Variants in IKBKB observed in about 807,000 individuals in gnomAD.
The protein encoded by IKBKB is inhibitor of nuclear factor kappa B kinase subunit beta.
IKBKB carries 42 observed loss-of-function variants against 113.6 expected under a neutral mutation model. The ratio of observed to expected loss-of-function variants is 0.37; its 90% CI spans 0.29 to 0.48. The LOEUF is 0.48. Among genes scored for constraint, IKBKB ranks in the 20% least tolerant of loss-of-function variants. The pLI, the probability that IKBKB is intolerant of heterozygous loss-of-function variation, is 0.99. For synonymous variants in IKBKB, 296 were observed against 361.3 expected, an observed-to-expected ratio of 0.82 and a Z score of 2.05; for missense variants, 673 against 939.7, an observed-to-expected ratio of 0.72 and a Z score of 3.71.
In IKBKB at chr8:42,272,072, A is replaced by T; in HGVS notation, c.-18-11A>T. On this transcript the variant is annotated splice_polypyrimidine_tract_variant and intron_variant, in intron 1 of 21. Transcript: ENST00000520810. The stretch of plus-strand genomic sequence containing the variant: ...TCCTAACCTTTTTTCCCCATCCCAA[A>T]TTGCTTATAGAGTTAGCACGACATC... 1.2e-6 allele frequency: 2 copies of T among 1,602,098 alleles called. No individual in the cohort carries two copies. The highest frequency in any genetic ancestry group is 1.7e-6 in the Non-Finnish European group (2 of 1,173,106).
Position 42,321,081 on chromosome 8 carries a change from A to T in IKBKB, c.1688+237A>T, listed in dbSNP as rs1819695658. On this transcript the variant is annotated intron_variant, in intron 16 of 21. Transcript: ENST00000520810. ...AGGATGAATTCAGATAATGCATTTG[A>T]GACGCAGGCCATAATCTGTAAAGGC... is the stretch of plus-strand genomic sequence containing the variant. The T allele has an allele frequency of 7.2e-6, 3 of 419,280 alleles. No individual in the cohort carries two copies. In the Admixed American group the frequency reaches 1.2e-4, roughly 17 times the overall value. 26.0% of individuals were successfully genotyped at this position (419,280 alleles called of 1,614,324 possible). A position where few individuals can be genotyped will look rare whatever the true frequency, so the allele number is the denominator to read the frequency against.
chr8:42,283,172 G>T (rs1015645648), intron 2 of IKBKB, among the ~76,000 whole-genome samples: 1 of 152,146 alleles, frequency 6.6e-6, no homozygotes, highest in African/African-American at 2.4e-5. Flanking sequence ...TTTGTGTTGG[G>T]CAAAAGACTG....
intron 5 of IKBKB, among the ~76,000 whole-genome samples, chr8:42,299,145 C>T (rs1814582968): frequency 6.6e-6 from 1 of 152,128 alleles, no homozygotes; most frequent in Non-Finnish European, 1.5e-5. Flanking sequence ...TCCCTCCTGC[C>T]ATCCCCTTTC....
chr8:42,288,305 T>A (rs1258334662), intron 2 of IKBKB, among the ~76,000 whole-genome samples: 1 of 151,700 alleles, frequency 6.6e-6, no homozygotes, highest in Non-Finnish European at 1.5e-5. Context: ...AAGAATCACT[T>A]GAACACGGGA....
At chr8:42,292,484 GTGT>G (rs1311583029) in intron 4 of IKBKB, among the ~76,000 whole-genome samples, 2 of 152,218 alleles carry the variant, frequency 1.3e-5, no homozygotes, top group Admixed American at 1.3e-4. Context: ...GTCTTGTTAT[GTGT>G]TGTTTCCTTT....
chr8:42,315,586 G>A (rs2130627065), intron 9 of IKBKB, among the ~76,000 whole-genome samples: 1 of 152,286 alleles, frequency 6.6e-6, no homozygotes, highest in African/African-American at 2.4e-5. Flanking sequence ...TCTAGATTCT[G>A]TAGGGGTCAC....
intron 13 of IKBKB, chr8:42,318,962 G>A: frequency 1.9e-6 from 1 of 533,066 alleles, no homozygotes; most frequent in Admixed American, 3.3e-5. Context: ...CTACCATGTG[G>A]ATTAGCAAAA....
At chr8:42,272,758 TG>T (rs1438134139) in intron 2 of IKBKB, among the ~76,000 whole-genome samples, 1 of 151,696 alleles carries the variant, frequency 6.6e-6, no homozygotes, top group Non-Finnish European at 1.5e-5. Flanking sequence ...GCTAACACTG[TG>T]AAACCCCATC....
intron 4 of IKBKB, among the ~76,000 whole-genome samples, chr8:42,291,058 G>A (rs971124673): frequency 1.3e-5 from 2 of 152,236 alleles, no homozygotes; most frequent in Non-Finnish European, 2.9e-5. Context: ...GAGAGGTTGG[G>A]CCTCACACAG....
rs745784014 is a variant in IKBKB at position 42,290,289 on chromosome 8, C to T, written c.318+16C>T. ...TCTCCGGAAGGTGAGGCTCCCACGGCTGCCAGGTGCACAGCCTGTCTGGGC... is the reference window on the plus strand; with the variant it reads ...TCTCCGGAAGGTGAGGCTCCCACGGTTGCCAGGTGCACAGCCTGTCTGGGC... On this transcript the variant is annotated intron_variant, in intron 4 of 21. Transcript: ENST00000520810. 9 of 1,553,834 alleles carry T rather than the reference C, an allele frequency of 5.8e-6. No homozygotes were observed. Among genetic ancestry groups the T allele is most frequent in the Non-Finnish European group, 8.0e-6 (9 of 1,125,854 alleles).
In IKBKB at chr8:42,316,344, G is replaced by A. The variant is rs1217962099; in HGVS notation, c.930+5G>A. On this transcript the variant is annotated splice_donor_5th_base_variant and intron_variant, in intron 10 of 21. Transcript: ENST00000520810. This position sits in a 1 kb window ranked among gnomAD's most constrained non-coding sequence, Gnocchi z 4.5. Reference sequence around the variant, plus strand: ...GATGACATCTTAAACTTAAAGGTGAGTGTGGAGCCAAGTTAGCCCTGAGGC... The same window carrying A: ...GATGACATCTTAAACTTAAAGGTGAATGTGGAGCCAAGTTAGCCCTGAGGC... 2 of 1,614,160 alleles carry A rather than the reference G, an allele frequency of 1.2e-6. No individual in the cohort carries two copies. Among genetic ancestry groups the A allele is most frequent in the African/African-American group, 1.3e-5 (1 of 75,054 alleles).
Position 42,316,599 on chromosome 8 carries a change from T to TG in IKBKB, c.931-110dup. On this transcript the variant is annotated intron_variant, in intron 10 of 21. Transcript: ENST00000520810. This position sits in a 1 kb window ranked among gnomAD's most constrained non-coding sequence, Gnocchi z 4.5. ...ACCTCCCTCCCTCAAGCTAGGCCCT[T>TG]GCTTTGTGTGGTTGGGAAATGTTGG... The TG allele has an allele frequency of 9.2e-7, 1 of 1,082,106 alleles. No homozygotes were observed. The highest frequency in any genetic ancestry group is 2.6e-5 in the Admixed American group (1 of 38,744). The allele number at this position is 1,082,106 out of a possible 1,614,324, so 67.0% of individuals were successfully genotyped here.
At chr8:42,330,022 C>T (rs1821481828) in intron 21 of IKBKB, 6 of 985,460 alleles carry the variant, frequency 6.1e-6, no homozygotes, top group Non-Finnish European at 7.2e-6. Flanking sequence ...TGCTGCTCTC[C>T]TCCTCCTGGC....
At position 42,329,102 on chromosome 8, in the gene IKBKB, ATAAT is replaced by A. The variant is rs1300647191; in HGVS notation, c.2115-20_2115-17del. On this transcript the variant is annotated intron_variant, in intron 20 of 21. Coordinates refer to ENST00000520810, the MANE Select transcript of IKBKB (RefSeq NM_001556.3). ...GATAACTAATAATGACCACTTTCTA[ATAAT>A]TTGATCATTTTCTTTAGTGAAGAAC... is the stretch of plus-strand genomic sequence containing the variant. 1 of 1,592,954 alleles carries A rather than the reference ATAAT, an allele frequency of 6.3e-7. No homozygotes were observed. Among genetic ancestry groups the A allele is most frequent in the Non-Finnish European group, 8.6e-7 (1 of 1,168,358 alleles).
intron 5 of IKBKB, among the ~76,000 whole-genome samples, chr8:42,303,098 A>AAT (rs1815696546): frequency 1.4e-5 from 2 of 143,704 alleles, no homozygotes; most frequent in Non-Finnish European, 3.0e-5. Flanking sequence ...AGAATGAGAG[A>AAT]GAGAGAGAGA....
intron 20 of IKBKB, among the ~76,000 whole-genome samples, chr8:42,327,409 C>T (rs967857906): frequency 4.0e-5 from 6 of 148,536 alleles, no homozygotes; most frequent in Non-Finnish European, 8.9e-5. Context: ...TCTTGGCTCA[C>T]TGCAACCTCC....
chr8:42,323,901 A>G (rs536306307), intron 19 of IKBKB, among the ~76,000 whole-genome samples: 16 of 152,210 alleles, frequency 1.1e-4, no homozygotes, highest in Non-Finnish European at 1.9e-4. Flanking sequence ...CACACAGGTG[A>G]GAAGGCATGG....
At chr8:42,273,853 TG>T (rs1808346618) in intron 2 of IKBKB, among the ~76,000 whole-genome samples, 1 of 152,070 alleles carries the variant, frequency 6.6e-6, no homozygotes, top group African/African-American at 2.4e-5. Context: ...GAACCTGGCC[TG>T]TTTTTATTTT....
chr8:42,308,621 A>G (rs1233699685), intron 7 of IKBKB, among the ~76,000 whole-genome samples: 1 of 152,148 alleles, frequency 6.6e-6, no homozygotes, highest in African/African-American at 2.4e-5. Flanking sequence ...TTTAAAGGAG[A>G]GAAGTTAAAG....
Sources: allele counts gnomAD v4.1 joint callset (sites outside exome capture counted in the v4.1 genomes callset), GRCh38; gene constraint gnomAD v4.1.1; non-coding constraint Gnocchi (gnomAD v3.1); transcripts MANE v1.5; gene names NCBI Gene and HGNC (gene_info 2026-07-23, HGNC 2026-07-21).